The following DOCK5 variants were observed in gnomAD, a reference collection of about 807,000 sequenced individuals.
DOCK5 encodes dedicator of cytokinesis 5, also known as dedicator of cytokinesis protein 5.
DOCK5 carries 142 observed loss-of-function variants against 251.8 expected under a neutral mutation model. The observed-to-expected ratio is 0.56, with a 90% CI of 0.49 to 0.65. DOCK5 has a LOEUF of 0.65. Ranked by LOEUF, DOCK5 falls within the 30% of genes least tolerant of loss-of-function variation. DOCK5 has a pLI of 0.00. For missense variants in DOCK5, 2,111 were observed against 2,312.3 expected (o/e 0.91, Z 1.79); for synonymous variants, 842 against 835.5 (o/e 1.01, Z -0.13).
At chr8:25,196,194 A>G (rs1801721564) in intron 1 of DOCK5, among the ~76,000 whole-genome samples, 1 of 152,164 alleles carries the variant, frequency 6.6e-6, no homozygotes, top group Admixed American at 6.5e-5. Context: ...TTTTTGGGTC[A>G]TTATTTCTGG....
chr8:25,298,721 C>G, intron 7 of DOCK5, among the ~76,000 whole-genome samples: 2 of 152,008 alleles, frequency 1.3e-5, no homozygotes, highest in Non-Finnish European at 2.9e-5. Flanking sequence ...ACTACAGGCA[C>G]AGCTAATTAA....
intron 5 of DOCK5, among the ~76,000 whole-genome samples, chr8:25,289,628 AG>A (rs1804434824): frequency 6.6e-6 from 1 of 151,880 alleles, no homozygotes; most frequent in African/African-American, 2.4e-5. Context: ...GGATCATCTG[AG>A]GTCGGGAGTT....
chr8:25,254,069 TCACAAATAGACCCA>T (rs1340031528), intron 2 of DOCK5, among the ~76,000 whole-genome samples: 3 of 152,076 alleles, frequency 2.0e-5, no homozygotes, highest in African/African-American at 7.2e-5. Flanking sequence ...AACAGAGAGC[TCACAAATAGACCCA>T]CACAAATATA....
At chr8:25,360,335 C>T (rs1800653875) in intron 28 of DOCK5, among the ~76,000 whole-genome samples, 1 of 152,148 alleles carries the variant, frequency 6.6e-6, no homozygotes, top group African/African-American at 2.4e-5. Flanking sequence ...TGAGCCTCTG[C>T]TTGGGCCATA....
At chr8:25,201,115 C>T (rs1801870584) in intron 1 of DOCK5, among the ~76,000 whole-genome samples, 1 of 152,190 alleles carries the variant, frequency 6.6e-6, no homozygotes, top group African/African-American at 2.4e-5. Context: ...CCATTTTGGT[C>T]AGGCTGGTCT....
Position 25,351,728 on chromosome 8 carries a change from C to T in DOCK5, c.2755-3C>T, listed in dbSNP as rs1271912860. The T allele has an allele frequency of 3.1e-6, 5 of 1,612,112 alleles. No homozygotes were observed. Among genetic ancestry groups the T allele is most frequent in the Non-Finnish European group, 3.4e-6 (4 of 1,178,682 alleles). On this transcript the variant is annotated splice_polypyrimidine_tract_variant and splice_region_variant and intron_variant, in intron 26 of 51. Transcript: ENST00000276440. ...ATGGAGTCAAATCCTGTGTTCCCTG[C>T]AGGGTGCCACTGCGGTGCACATTCA...
rs1229489210 is a variant in DOCK5, at chr8:25,342,951, C to T, written c.2617+444C>T. Among the ~76,000 whole-genome samples the T allele has an allele frequency of 3.9e-5, 6 of 151,922 alleles. No homozygotes were observed. In the East Asian group the frequency reaches 9.8e-4, roughly 25 times the overall value. On this transcript the variant is annotated intron_variant, in intron 25 of 51. Transcript: ENST00000276440. ...TGATCTCCTGACCTCGTGATCCACC[C>T]GCCTCGGCCTCCCAAAGTGTTGGGA...
intron 2 of DOCK5, among the ~76,000 whole-genome samples, chr8:25,251,428 G>A (rs1164333880): frequency 1.3e-5 from 2 of 152,182 alleles, no homozygotes; most frequent in Admixed American, 6.5e-5. Flanking sequence ...GTTTGTATAC[G>A]TACAGGAGTT....
intron 1 of DOCK5, among the ~76,000 whole-genome samples, chr8:25,210,045 T>TATATATATATATATATATATAAAA (rs1563309191): frequency 1.5e-4 from 3 of 20,648 alleles, no homozygotes; most frequent in African/African-American, 6.9e-4. Context: ...AATGTGTGTG[T>TATATATATATATATATATATAAAA]GTGTGTGTGT....
chr8:25,277,709 A>G (rs115872355), intron 4 of DOCK5, among the ~76,000 whole-genome samples: 1,609 of 152,250 alleles, frequency 0.011, 31 homozygotes, highest in African/African-American at 0.037. Flanking sequence ...ATTCACACCA[A>G]TTAGGGTTAT....
In DOCK5 at chr8:25,212,033, C is replaced by T. The variant is rs1403719166; in HGVS notation, c.43+27082C>T. On this transcript the variant is annotated intron_variant, in intron 1 of 51. Coordinates refer to ENST00000276440, the MANE Select transcript of DOCK5 (RefSeq NM_024940.8). ...AAAATTAGCCAGGCATGGTGGCGGG[C>T]ACCTGTAGTTCCAGCTACTCTGGAG... is the stretch of plus-strand genomic sequence containing the variant. Among the ~76,000 whole-genome samples, 7 of 62,336 alleles carry T rather than the reference C, an allele frequency of 1.1e-4. 1 individual carries two copies. Among genetic ancestry groups the T allele is most frequent in the African/African-American group, 2.5e-4 (7 of 27,676 alleles). The allele number at this position is 62,336 out of a possible 152,430, so 40.9% of individuals were successfully genotyped here.
At chr8:25,316,939 C>T (rs756915458) in intron 13 of DOCK5, 68 bp from the exon 14 acceptor site, 82 of 1,582,828 alleles carry the variant, frequency 5.2e-5, no homozygotes, top group Non-Finnish European at 6.6e-5. Flanking sequence ...CCTTTTATGT[C>T]GTATGACATT....
At chr8:25,325,623 G>A in intron 18 of DOCK5, 76 bp downstream of exon 18, 1 of 1,548,184 alleles carries the variant, frequency 6.5e-7, no homozygotes, top group Non-Finnish European at 8.8e-7. Context: ...GGCTCACAGG[G>A]CTGGACTATA....
intron 22 of DOCK5, among the ~76,000 whole-genome samples, chr8:25,338,488 A>G (rs1805869924): frequency 6.6e-6 from 1 of 152,050 alleles, no homozygotes; most frequent in African/African-American, 2.4e-5. Flanking sequence ...TTTTAAATGA[A>G]TATGTACCTT....
intron 1 of DOCK5, among the ~76,000 whole-genome samples, chr8:25,199,380 C>CTT (rs564264937): frequency 0.05 from 5,861 of 117,876 alleles, 439 homozygotes; most frequent in African/African-American, 0.1. Context: ...CCGCTCTGTT[C>CTT]TTTTTTTTTT....
chr8:25,369,608 G>C lies in DOCK5; in HGVS notation c.3491G>C (p.Gly1164Ala), dbSNP rs1357214216. ...GACCAGGAGGTAGAAGGGGGCAGAGGAGACGAACAATACAAGGTTCTTCTG... is the reference window on the plus strand; with the variant it reads ...GACCAGGAGGTAGAAGGGGGCAGAGCAGACGAACAATACAAGGTTCTTCTG... ...KLDQEVEGGR[G>A]DEQYKVLLEK... is the part of the protein sequence containing the mutation. The change falls in exon 34 of 52, where the codon GGA (glycine) becomes GCA (alanine). Residue 1164 changes from glycine to alanine, a missense_variant. Gly to Ala is a moderately conservative substitution (Grantham distance 60, BLOSUM62 0). This residue lies in a region of DOCK5 where 1,717 missense variants were observed against 1,892.4 expected (regional missense o/e 0.91). Transcript: ENST00000276440. 6.2e-7 allele frequency: 1 copy of C among 1,611,722 alleles called. No individual in the cohort carries two copies. The highest frequency in any genetic ancestry group is 1.7e-5 in the Admixed American group (1 of 59,700).
chr8:25,318,484 C>G (rs1228761259), intron 14 of DOCK5, among the ~76,000 whole-genome samples: 2 of 146,950 alleles, frequency 1.4e-5, no homozygotes, highest in East Asian at 4.0e-4. Flanking sequence ...CTCCACTCCC[C>G]TCCCCCACTT....
intron 13 of DOCK5, among the ~76,000 whole-genome samples, chr8:25,314,303 G>A (rs1376806392): frequency 1.1e-4 from 16 of 143,046 alleles, no homozygotes; most frequent in Non-Finnish European, 2.3e-4. Flanking sequence ...TTTTTTTGTA[G>A]AGATCAAGTT....
intron 43 of DOCK5, 99 bp downstream of exon 43, chr8:25,392,079 G>A (rs537744137): frequency 4.6e-4 from 509 of 1,099,322 alleles, no homozygotes; most frequent in Non-Finnish European, 6.2e-4. Flanking sequence ...CGATGCGGGC[G>A]GATCACGAAG....
Sources: gnomAD v4.1 joint callset for allele counts (sites outside exome capture counted in the v4.1 genomes callset) on GRCh38, gnomAD v4.1.1 for gene constraint, gnomAD v4.1.1 regional missense constraint, MANE v1.5 for transcripts, NCBI Gene and HGNC (gene_info 2026-07-23, HGNC 2026-07-21) for gene names.